Variants in NFIB observed in about 807,000 individuals in gnomAD.
NFIB encodes nuclear factor 1 B-type.
Under a neutral mutation model 61.5 loss-of-function variants are expected in NFIB, and 11 were observed. The observed-to-expected ratio is 0.18, with a 90% confidence interval of 0.11 to 0.30. NFIB has a LOEUF of 0.30. Ranked by LOEUF, NFIB falls within the 10% of genes least tolerant of loss-of-function variation. The probability of loss-of-function intolerance (pLI) is 1.00; values close to 1 mark genes in which losing one functional copy is unlikely to be tolerated. For synonymous variants in NFIB, 260 were observed against 216.5 expected (o/e 1.20, Z -1.76); for missense variants, 471 against 608.9 (o/e 0.77, Z 2.38).
chr9:14,279,581 A>C (rs2058234371), intron 2 of NFIB, among the ~76,000 whole-genome samples: 1 of 152,202 alleles, frequency 6.6e-6, no homozygotes, highest in Admixed American at 6.5e-5. Flanking sequence ...AATAAAACAT[A>C]AATCTAATTT....
chr9:14,420,492 G>A, the NFIB span, among the ~76,000 whole-genome samples: 300 of 138,016 alleles, frequency 2.2e-3, 2 homozygotes, highest in Middle Eastern at 8.5e-3. Context: ...AGAAAGGCTG[G>A]AAAGATAATC....
intron 1 of NFIB, among the ~76,000 whole-genome samples, chr9:14,396,979 A>G (rs1307911160): frequency 1.3e-5 from 2 of 152,160 alleles, no homozygotes; most frequent in Admixed American, 6.5e-5. Flanking sequence ...AAGTAAATAT[A>G]ATTTGGATTC....
chr9:14,412,773 T>A, the NFIB span, among the ~76,000 whole-genome samples: 1 of 152,108 alleles, frequency 6.6e-6, no homozygotes, highest in East Asian at 1.9e-4. Flanking sequence ...GATACGTAAT[T>A]AAACTAGACC....
the NFIB span, among the ~76,000 whole-genome samples, chr9:14,510,856 C>A: frequency 6.6e-6 from 1 of 152,056 alleles, no homozygotes. Flanking sequence ...AACTGCAATA[C>A]CTTTTTGAAA....
the NFIB span, among the ~76,000 whole-genome samples, chr9:14,476,830 C>A: frequency 6.6e-6 from 1 of 152,064 alleles, no homozygotes; most frequent in African/African-American, 2.4e-5. Flanking sequence ...CAGACTTAAA[C>A]CTGGAATGTT....
chr9:14,333,897 C>T (rs558580641), intron 1 of NFIB, among the ~76,000 whole-genome samples: 4 of 152,252 alleles, frequency 2.6e-5, no homozygotes, highest in East Asian at 1.9e-4. Context: ...CAAAGACAAC[C>T]GCTGTACTGA....
At chr9:14,415,792 T>C in the NFIB span, among the ~76,000 whole-genome samples, 1 of 152,012 alleles carries the variant, frequency 6.6e-6, no homozygotes, top group East Asian at 1.9e-4. Context: ...CCCACCAAGA[T>C]GGCTTTGGGG....
intron 1 of NFIB, among the ~76,000 whole-genome samples, chr9:14,396,308 G>A (rs144055068): frequency 1.3e-3 from 190 of 151,600 alleles, no homozygotes; most frequent in African/African-American, 4.5e-3. Context: ...GAGGCTTAAT[G>A]TTAAATTATG....
chr9:14,195,148 T>A (rs1318400676), intron 2 of NFIB, among the ~76,000 whole-genome samples: 1 of 151,508 alleles, frequency 6.6e-6, no homozygotes, highest in African/African-American at 2.4e-5. Flanking sequence ...ATAGGACCAA[T>A]CAACTGGCAA....
intron 2 of NFIB, among the ~76,000 whole-genome samples, chr9:14,241,512 C>CA (rs149167152): frequency 0.35 from 52,433 of 150,074 alleles, 9,491 homozygotes; most frequent in East Asian, 0.52. Flanking sequence ...TTACATAATT[C>CA]AAAAAAAAAC....
At chr9:14,294,289 G>C (rs1366540314) in intron 2 of NFIB, among the ~76,000 whole-genome samples, 1 of 152,200 alleles carries the variant, frequency 6.6e-6, no homozygotes, top group Non-Finnish European at 1.5e-5. Flanking sequence ...CTAAAATGTT[G>C]ATGCTTTACC....
Position 14,364,224 on chromosome 9 carries a change from C to T in NFIB, c.108+34300G>A, listed in dbSNP as rs973841895. The stretch of plus-strand genomic sequence containing the variant: ...CCCACCCTCTTAGCAACCCTAAAAT[C>T]GTGCAATTTGGGAATGTCTGAAGTG... On this transcript the variant is annotated intron_variant, in intron 1 of 8. Transcript: ENST00000380934. Among the ~76,000 whole-genome samples, 6 of 152,254 alleles carry T rather than the reference C, an allele frequency of 3.9e-5. No individual in the cohort carries two copies. The East Asian group carries it at 7.7e-4, about 20-fold the overall frequency.
intron 2 of NFIB, among the ~76,000 whole-genome samples, chr9:14,233,043 T>C (rs1022852876): frequency 3.3e-5 from 5 of 152,124 alleles, no homozygotes; most frequent in Non-Finnish European, 7.3e-5. Flanking sequence ...CTTGATAGGA[T>C]AGAGCAAAAA....
chr9:14,283,752 A>T (rs1156244867), intron 2 of NFIB, among the ~76,000 whole-genome samples: 2 of 152,252 alleles, frequency 1.3e-5, no homozygotes, highest in African/African-American at 4.8e-5. Context: ...CACTCAAGAA[A>T]GCTCTGTTGC....
the NFIB span, among the ~76,000 whole-genome samples, chr9:14,448,682 T>G: frequency 1.3e-5 from 2 of 152,282 alleles, no homozygotes; most frequent in South Asian, 4.1e-4. Flanking sequence ...TTTTATTTTC[T>G]CTTGAAAGAG....
At chr9:14,191,821 C>A (rs1315261342) in intron 2 of NFIB, among the ~76,000 whole-genome samples, 1 of 152,174 alleles carries the variant, frequency 6.6e-6, no homozygotes, top group Admixed American at 6.5e-5. Context: ...TTGCACGTAC[C>A]ATTACATATG....
chr9:14,284,446 G>T (rs952166486), intron 2 of NFIB, among the ~76,000 whole-genome samples: 3 of 152,036 alleles, frequency 2.0e-5, no homozygotes, highest in African/African-American at 7.2e-5. Flanking sequence ...TAGGAATAAG[G>T]GGTGGCGGAA....
chr9:14,177,072 C>T (rs1587342596), intron 3 of NFIB, among the ~76,000 whole-genome samples: 1 of 152,190 alleles, frequency 6.6e-6, no homozygotes, highest in Non-Finnish European at 1.5e-5. Flanking sequence ...AAAAGCTTAG[C>T]TTGTATTTGG....
intron 1 of NFIB, among the ~76,000 whole-genome samples, chr9:14,338,593 T>C (rs1295605975): frequency 1.3e-5 from 2 of 152,116 alleles, no homozygotes; most frequent in Non-Finnish European, 2.9e-5. Flanking sequence ...GAGAGAGTCA[T>C]TGTGGGAAGT....
Sources: gnomAD v4.1 joint callset for allele counts (sites outside exome capture counted in the v4.1 genomes callset) on GRCh38, gnomAD v4.1.1 for gene constraint, MANE v1.5 for transcripts, NCBI Gene and HGNC (gene_info 2026-07-23, HGNC 2026-07-21) for gene names.